Variants in TMEM236 observed in about 807,000 individuals in gnomAD.
The protein encoded by TMEM236 is family with sequence similarity 23, member A.
In TMEM236, 11 loss-of-function variants were observed where a neutral mutation model predicts 14.7. The ratio of observed to expected loss-of-function variants is 0.75; its 90% CI spans 0.47 to 1.24. The LOEUF (loss-of-function observed/expected upper bound fraction) is 1.24, where lower values mean the gene tolerates loss of function less well. Among genes scored for constraint, TMEM236 ranks in the 50% most tolerant of loss-of-function variants. The probability of loss-of-function intolerance (pLI) is 0.00; values close to 1 mark genes in which losing one functional copy is unlikely to be tolerated. For synonymous variants in TMEM236, 182 were observed against 168.6 expected, an observed-to-expected ratio of 1.08 and a Z score of -0.62; for missense variants, 464 against 427.3, an observed-to-expected ratio of 1.09 and a Z score of -0.76.
intron 1 of TMEM236, among the ~76,000 whole-genome samples, chr10:17,754,851 A>T (rs1837260226): frequency 6.6e-6 from 1 of 152,152 alleles, no homozygotes; most frequent in Admixed American, 6.5e-5. Flanking sequence ...TTCAGATCTG[A>T]TTCTTACTCA....
chr10:17,780,087 C>T (rs1837722437), intron 3 of TMEM236, among the ~76,000 whole-genome samples: 1 of 152,146 alleles, frequency 6.6e-6, no homozygotes, highest in African/African-American at 2.4e-5. Context: ...TATGTACCAA[C>T]AAATTGGCTG....
intron 1 of TMEM236, among the ~76,000 whole-genome samples, chr10:17,769,231 G>C (rs1837528639): frequency 6.6e-6 from 1 of 152,212 alleles, no homozygotes; most frequent in Non-Finnish European, 1.5e-5. Context: ...GATGAACTAT[G>C]GTGTTGGCAG....
chr10:17,793,363 T>C (rs1354694752), intron 3 of TMEM236, among the ~76,000 whole-genome samples: 5 of 152,240 alleles, frequency 3.3e-5, no homozygotes, highest in Non-Finnish European at 5.9e-5. Flanking sequence ...GTTCTGAATG[T>C]TGACAAAGCC....
chr10:17,760,224 G>GT (rs1265304056), intron 1 of TMEM236, among the ~76,000 whole-genome samples: 1 of 151,934 alleles, frequency 6.6e-6, no homozygotes, highest in Non-Finnish European at 1.5e-5. Context: ...GAACACTCCA[G>GT]TTTCTCTTAG....
chr10:17,769,061 T>C (rs1319421641), intron 1 of TMEM236, among the ~76,000 whole-genome samples: 1 of 152,184 alleles, frequency 6.6e-6, no homozygotes, highest in Non-Finnish European at 1.5e-5. Flanking sequence ...CATTAACCAA[T>C]AACCCCTTCC....
rs1838024036 is a variant in TMEM236 at position 17,796,853 on chromosome 10, T to C, written c.*349T>C. On this transcript the variant is annotated 3_prime_UTR_variant, in exon 4 of 4. Coordinates refer to ENST00000377495, the MANE Select transcript of TMEM236 (RefSeq NM_001098844.3). ...CAGACCGCACAGCACGTGGTGAACCTCAAACTGAGCGTTCCCGCCTGCATT... is the reference window on the plus strand; with the variant it reads ...CAGACCGCACAGCACGTGGTGAACCCCAAACTGAGCGTTCCCGCCTGCATT... The C allele has an allele frequency of 2.6e-5, 8 of 305,308 alleles. No individual in the cohort carries two copies. In the South Asian group the frequency reaches 2.7e-4, roughly 10 times the overall value. 18.9% of individuals were successfully genotyped at this position (305,308 alleles called of 1,614,324 possible).
chr10:17,784,211 T>C (rs1837798845), intron 3 of TMEM236, among the ~76,000 whole-genome samples: 1 of 152,202 alleles, frequency 6.6e-6, no homozygotes, highest in East Asian at 1.9e-4. Context: ...ATTTAAATGT[T>C]TAATGAAGAA....
At chr10:17,788,215 A>G (rs929810968) in intron 3 of TMEM236, among the ~76,000 whole-genome samples, 13 of 150,888 alleles carry the variant, frequency 8.6e-5, no homozygotes, top group African/African-American at 2.4e-4. Flanking sequence ...CATAAATAAT[A>G]TAATTACTTT....
At chr10:17,771,805 T>A (rs1837577657) in intron 2 of TMEM236, among the ~76,000 whole-genome samples, 1 of 152,258 alleles carries the variant, frequency 6.6e-6, no homozygotes, top group African/African-American at 2.4e-5. Context: ...CATGTGTTAT[T>A]TATTTGAAAA....
intron 1 of TMEM236, among the ~76,000 whole-genome samples, chr10:17,768,815 C>T (rs1030907903): frequency 6.7e-6 from 1 of 150,012 alleles, no homozygotes; most frequent in Non-Finnish European, 1.5e-5. Flanking sequence ...AGAGAGAAAC[C>T]ATATCATGTA....
At chr10:17,794,963 G>T (rs974919837) in intron 3 of TMEM236, among the ~76,000 whole-genome samples, 1 of 152,096 alleles carries the variant, frequency 6.6e-6, no homozygotes, top group Non-Finnish European at 1.5e-5. Flanking sequence ...AGGAGGTGGA[G>T]GTTGCAGTGA....
chr10:17,770,095 TC>T (rs1837544135), intron 1 of TMEM236, among the ~76,000 whole-genome samples: 1 of 152,196 alleles, frequency 6.6e-6, no homozygotes, highest in Non-Finnish European at 1.5e-5. Context: ...TATTTGGTTT[TC>T]TGTTCCTGAG....
At chr10:17,766,299 G>T (rs1054169640) in intron 1 of TMEM236, among the ~76,000 whole-genome samples, 51 of 152,258 alleles carry the variant, frequency 3.3e-4, no homozygotes, top group South Asian at 8.3e-4. Flanking sequence ...ATCCAACAGA[G>T]CACGGTACAG....
chr10:17,784,623 G>GGA (rs1309335413), intron 3 of TMEM236, among the ~76,000 whole-genome samples: 1 of 152,148 alleles, frequency 6.6e-6, no homozygotes, highest in African/African-American at 2.4e-5. Flanking sequence ...CATAATTTTT[G>GGA]GAGTGAGGCC....
chr10:17,768,107 T>TTTTTTTTTTTTTTTTTTTTC (rs1242028374), intron 1 of TMEM236, among the ~76,000 whole-genome samples: 1 of 146,888 alleles, frequency 6.8e-6, no homozygotes, highest in African/African-American at 2.6e-5. Flanking sequence ...TTTTTTTTTT[T>TTTTTTTTTTTTTTTTTTTTC]TGTAGAGACG....
chr10:17,754,385 A>G (rs1554833592), intron 1 of TMEM236, among the ~76,000 whole-genome samples: 2 of 152,026 alleles, frequency 1.3e-5, no homozygotes, highest in Non-Finnish European at 2.9e-5. Flanking sequence ...CAGTGGCGTG[A>G]TCATTGCTCA....
chr10:17,795,229 A>C (rs1458977407), intron 3 of TMEM236, among the ~76,000 whole-genome samples: 2 of 152,290 alleles, frequency 1.3e-5, no homozygotes, highest in Non-Finnish European at 2.9e-5. Context: ...TAATTAGCTC[A>C]TGATCTATTG....
chr10:17,770,951 A>C (rs1241839433), intron 1 of TMEM236, among the ~76,000 whole-genome samples: 1 of 152,210 alleles, frequency 6.6e-6, no homozygotes, highest in Non-Finnish European at 1.5e-5. Context: ...TATAACTTGA[A>C]AGTCATGCTG....
intron 3 of TMEM236, among the ~76,000 whole-genome samples, chr10:17,788,582 C>A: frequency 7.0e-6 from 1 of 143,688 alleles, no homozygotes. Context: ...AAGACCCCAT[C>A]TCTACAAAAA....
Sources: gnomAD v4.1 joint callset for allele counts (sites outside exome capture counted in the v4.1 genomes callset) on GRCh38, gnomAD v4.1.1 for gene constraint, MANE v1.5 for transcripts, NCBI Gene and HGNC (gene_info 2026-07-23, HGNC 2026-07-21) for gene names.